EPHA6: variants seen among roughly 807,000 people sequenced by gnomAD.
The protein encoded by EPHA6 is EPH receptor A6.
A neutral mutation model predicts 112.0 loss-of-function variants in EPHA6; 50 were observed. The ratio of observed to expected loss-of-function variants is 0.45; its 90% confidence interval spans 0.36 to 0.56. The LOEUF (loss-of-function observed/expected upper bound fraction) is 0.56, where lower values mean the gene tolerates loss of function less well. EPHA6 is among the 20% of genes least tolerant of loss of function. The pLI, the probability that EPHA6 is intolerant of heterozygous loss-of-function variation, is 0.00. For missense variants in EPHA6, 1,280 were observed against 1,417.4 expected (o/e 0.90, Z 1.56); for synonymous variants, 529 against 490.7 (o/e 1.08, Z -1.03).
At position 96,898,328 on chromosome 3, in the gene EPHA6, C is replaced by G. The variant is rs76757938; in HGVS notation, c.450+31439C>G. 2.9e-3 allele frequency among the ~76,000 whole-genome samples: 435 copies of G among 152,246 alleles called. 1 individual carries two copies. Among genetic ancestry groups the G allele is most frequent in the Non-Finnish European group, 4.9e-3 (333 of 68,012 alleles). On this transcript the variant is annotated intron_variant, in intron 2 of 17. Transcript: ENST00000389672. The stretch of plus-strand genomic sequence containing the variant: ...TATTATGAGGAACCATGCTAAGGAT[C>G]AGAAATAGATTTTCATTGAAATGGG...
At chr3:96,938,243 T>G (rs1446088411) in intron 2 of EPHA6, among the ~76,000 whole-genome samples, 1 of 152,236 alleles carries the variant, frequency 6.6e-6, no homozygotes, top group African/African-American at 2.4e-5. Flanking sequence ...CCCATGAGCA[T>G]GGAATGTTTT....
intron 5 of EPHA6, among the ~76,000 whole-genome samples, chr3:97,297,813 G>A (rs978499609): frequency 1.3e-5 from 2 of 151,886 alleles, no homozygotes; most frequent in Non-Finnish European, 2.9e-5. Flanking sequence ...GCCCAGGCTG[G>A]AGTGCAGTTG....
intron 13 of EPHA6, among the ~76,000 whole-genome samples, chr3:97,619,783 A>T (rs1005699315): frequency 6.6e-6 from 1 of 152,196 alleles, no homozygotes; most frequent in African/African-American, 2.4e-5. Flanking sequence ...AAACAAATGG[A>T]AAAACTTTCC....
At chr3:97,192,325 G>A (rs1160564903) in intron 3 of EPHA6, among the ~76,000 whole-genome samples, 1 of 152,002 alleles carries the variant, frequency 6.6e-6, no homozygotes, top group Non-Finnish European at 1.5e-5. Flanking sequence ...TAGAGATGGG[G>A]TTTTGCCATG....
chr3:96,835,012 C>G (rs1316640948), intron 1 of EPHA6, among the ~76,000 whole-genome samples: 3 of 151,992 alleles, frequency 2.0e-5, no homozygotes, highest in Non-Finnish European at 2.9e-5. Flanking sequence ...GTCATCACAT[C>G]TGAACTAAGA....
intron 5 of EPHA6, among the ~76,000 whole-genome samples, chr3:97,322,257 T>C (rs2082156218): frequency 6.6e-6 from 1 of 152,018 alleles, no homozygotes; most frequent in South Asian, 2.1e-4. Context: ...GTTAGAGAAA[T>C]ATTTTGAATT....
intron 5 of EPHA6, among the ~76,000 whole-genome samples, chr3:97,284,090 A>C (rs925143511): frequency 5.3e-5 from 8 of 152,272 alleles, no homozygotes; most frequent in African/African-American, 1.7e-4. Flanking sequence ...TAGATAATAC[A>C]TGTTTAAATA....
intron 7 of EPHA6, among the ~76,000 whole-genome samples, chr3:97,456,576 C>G (rs2090694151): frequency 6.6e-6 from 1 of 151,992 alleles, no homozygotes; most frequent in Non-Finnish European, 1.5e-5. Flanking sequence ...TTTTATTAGT[C>G]TACTTATATA....
At chr3:97,569,322 G>T (rs2093306769) in intron 11 of EPHA6, among the ~76,000 whole-genome samples, 1 of 152,098 alleles carries the variant, frequency 6.6e-6, no homozygotes, top group Admixed American at 6.5e-5. Context: ...AAAAGATAAA[G>T]TAATAAATGA....
At chr3:96,836,048 A>G (rs2034389983) in intron 1 of EPHA6, among the ~76,000 whole-genome samples, 1 of 152,130 alleles carries the variant, frequency 6.6e-6, no homozygotes, top group Non-Finnish European at 1.5e-5. Context: ...ACTCTGAAAT[A>G]TAATCTAGAG....
chr3:97,468,542 A>G (rs1287257786), intron 7 of EPHA6, among the ~76,000 whole-genome samples: 1 of 151,636 alleles, frequency 6.6e-6, no homozygotes, highest in African/African-American at 2.4e-5. Flanking sequence ...AGATATCAGT[A>G]TAATACTAAG....
chr3:96,933,497 AGTT>A (rs2040438495), intron 2 of EPHA6, among the ~76,000 whole-genome samples: 1 of 152,198 alleles, frequency 6.6e-6, no homozygotes, highest in Non-Finnish European at 1.5e-5. Flanking sequence ...GACAGCAAAT[AGTT>A]AAGTTTCTTA....
chr3:97,603,979 A>G (rs1302553334), intron 12 of EPHA6, among the ~76,000 whole-genome samples: 1 of 151,804 alleles, frequency 6.6e-6, no homozygotes, highest in Non-Finnish European at 1.5e-5. Flanking sequence ...GGTAGCATAT[A>G]ATACTCAACA....
chr3:97,642,253 C>T (rs1472409462), intron 14 of EPHA6, among the ~76,000 whole-genome samples: 1 of 95,618 alleles, frequency 1.0e-5, no homozygotes, highest in African/African-American at 4.3e-5. Context: ...GGAAAACTAA[C>T]AAACAGAAAG....
chr3:97,679,057 G>A (rs548485371), intron 14 of EPHA6, among the ~76,000 whole-genome samples: 1 of 152,010 alleles, frequency 6.6e-6, no homozygotes, highest in South Asian at 2.1e-4. Flanking sequence ...TCCTGGTTTT[G>A]TTATATTAGT....
intron 11 of EPHA6, among the ~76,000 whole-genome samples, chr3:97,550,214 C>T (rs2093010908): frequency 6.6e-6 from 1 of 152,182 alleles, no homozygotes; most frequent in South Asian, 2.1e-4. Context: ...TGATCTCTCA[C>T]AGTAAGAACC....
At chr3:97,052,859 G>T (rs1203762034) in intron 3 of EPHA6, among the ~76,000 whole-genome samples, 3 of 152,182 alleles carry the variant, frequency 2.0e-5, no homozygotes, top group South Asian at 4.1e-4. Context: ...TGGATACAAT[G>T]CCATCTCTAT....
intron 9 of EPHA6, chr3:97,481,510 G>C (rs1031625620): frequency 2.9e-5 from 29 of 1,010,338 alleles, no homozygotes; most frequent in South Asian, 2.5e-4. Flanking sequence ...TTCTTCCTCC[G>C]GCGCGGGGCT....
intron 3 of EPHA6, among the ~76,000 whole-genome samples, chr3:97,097,100 A>T (rs2047263095): frequency 1.3e-5 from 2 of 151,760 alleles, no homozygotes; most frequent in Non-Finnish European, 3.0e-5. Flanking sequence ...AAAAAGAAAA[A>T]ATGTAGTTTA....
Sources: gnomAD v4.1 joint callset for allele counts (sites outside exome capture counted in the v4.1 genomes callset) on GRCh38, gnomAD v4.1.1 for gene constraint, MANE v1.5 for transcripts, NCBI Gene and HGNC (gene_info 2026-07-23, HGNC 2026-07-21) for gene names.